SLC44A3: variants seen among roughly 807,000 people sequenced by gnomAD.
SLC44A3 encodes choline transporter-like protein 3.
In SLC44A3, 74 loss-of-function variants were observed where a neutral mutation model predicts 75.4. The observed-to-expected ratio is 0.98, with a 90% CI of 0.81 to 1.19. The LOEUF (loss-of-function observed/expected upper bound fraction) is 1.19. Among genes scored for constraint, SLC44A3 ranks in the 50% most tolerant of loss-of-function variants. The pLI, the probability that SLC44A3 is intolerant of heterozygous loss-of-function variation, is 0.00. For synonymous variants in SLC44A3, 310 were observed against 296.9 expected (o/e 1.04, Z -0.45); for missense variants, 700 against 778.6 (o/e 0.90, Z 1.20).
intron 10 of SLC44A3, 96 bp downstream of exon 10, chr1:94,857,596 G>A: frequency 7.8e-7 from 1 of 1,288,130 alleles, no homozygotes; most frequent in Non-Finnish European, 1.0e-6. Flanking sequence ...TGTTGACCTA[G>A]CCCCTTAAAA....
At chr1:94,840,306 T>TTC (rs1663437941) in intron 7 of SLC44A3, among the ~76,000 whole-genome samples, 1 of 147,694 alleles carries the variant, frequency 6.8e-6, no homozygotes, top group African/African-American at 2.5e-5. Context: ...TTTTTTTTTT[T>TTC]TGAGGCAGGC....
rs1187315468 is a variant in SLC44A3, at chr1:94,894,000, CAGG to C, written c.1858-815_1858-813del. On this transcript the variant is annotated intron_variant, in intron 14 of 14. Transcript: ENST00000271227. ...ATCTCAGCTGCTTAGGAGGCTGAGA[CAGG>C]AGAATCGCTTGAACCCGGGAGGTGG... is the stretch of plus-strand genomic sequence containing the variant. 7.2e-5 allele frequency among the ~76,000 whole-genome samples: 11 copies of C among 152,184 alleles called. No homozygotes were observed. In the Middle Eastern group the frequency reaches 0.014, roughly 188 times the overall value.
chr1:94,888,233 T>C (rs904112862), intron 12 of SLC44A3, among the ~76,000 whole-genome samples: 2 of 152,214 alleles, frequency 1.3e-5, no homozygotes, highest in African/African-American at 4.8e-5. Context: ...TGCTTTTAAA[T>C]AGCAATTTTT....
intron 5 of SLC44A3, among the ~76,000 whole-genome samples, chr1:94,835,680 T>C (rs749389699): frequency 6.6e-6 from 1 of 152,222 alleles, no homozygotes; most frequent in Non-Finnish European, 1.5e-5. Flanking sequence ...TTTTTTGGCA[T>C]GCCCTGAATG....
intron 10 of SLC44A3, among the ~76,000 whole-genome samples, chr1:94,859,970 A>C (rs1419241544): frequency 2.6e-5 from 4 of 152,154 alleles, no homozygotes; most frequent in African/African-American, 4.8e-5. Flanking sequence ...AGTGAAGCTC[A>C]TCAGACAACA....
At chr1:94,859,928 A>T (rs961471128) in intron 10 of SLC44A3, among the ~76,000 whole-genome samples, 1 of 152,206 alleles carries the variant, frequency 6.6e-6, no homozygotes, top group African/African-American at 2.4e-5. Flanking sequence ...GGGGTCCCCC[A>T]ATGAAATGGA....
At chr1:94,825,644 G>A (rs1168482914) in intron 3 of SLC44A3, among the ~76,000 whole-genome samples, 1 of 152,024 alleles carries the variant, frequency 6.6e-6, no homozygotes, top group Non-Finnish European at 1.5e-5. Flanking sequence ...GGATTTTTAG[G>A]ACTCAATAAT....
chr1:94,827,109 C>T (rs540095637), intron 3 of SLC44A3, among the ~76,000 whole-genome samples: 1 of 152,334 alleles, frequency 6.6e-6, no homozygotes, highest in Non-Finnish European at 1.5e-5. Flanking sequence ...TTCAGTTATT[C>T]TCTGAAGCAT....
chr1:94,871,553 T>C (rs992931850), intron 12 of SLC44A3, among the ~76,000 whole-genome samples: 1 of 152,186 alleles, frequency 6.6e-6, no homozygotes, highest in African/African-American at 2.4e-5. Context: ...CAGTTCCTCA[T>C]GGAAATGTCT....
At chr1:94,853,731 G>C (rs1003095043) in intron 9 of SLC44A3, among the ~76,000 whole-genome samples, 2 of 152,168 alleles carry the variant, frequency 1.3e-5, no homozygotes, top group Non-Finnish European at 2.9e-5. Context: ...CTGAGAGTGA[G>C]GATGGGAAGG....
chr1:94,823,003 T>TA (rs2100898511), intron 2 of SLC44A3, among the ~76,000 whole-genome samples: 2 of 152,074 alleles, frequency 1.3e-5, no homozygotes, highest in South Asian at 4.2e-4. Context: ...CTACAAAACA[T>TA]AAAAAATAAT....
intron 3 of SLC44A3, among the ~76,000 whole-genome samples, chr1:94,826,759 C>T (rs1661408512): frequency 6.6e-6 from 1 of 152,134 alleles, no homozygotes; most frequent in South Asian, 2.1e-4. Flanking sequence ...TCTCCTGTTG[C>T]ACCACCTTTC....
intron 8 of SLC44A3, 76 bp downstream of exon 8, chr1:94,842,200 A>G (rs1397925794): frequency 1.3e-6 from 2 of 1,483,496 alleles, no homozygotes; most frequent in Non-Finnish European, 1.8e-6. Flanking sequence ...ATTCTAGCCA[A>G]AAACAACTAT....
rs371962334 is a variant in SLC44A3, at chr1:94,841,808, G to C, written c.761-192G>C. On this transcript the variant is annotated intron_variant, in intron 7 of 14. Coordinates refer to ENST00000271227, the MANE Select transcript of SLC44A3 (RefSeq NM_001114106.3). ...TCCCAGAACTTGTGGGTCCTCTATG[G>C]GTTGCCCTGGCTCTGCCCAGCTTCT... 1.2e-4 allele frequency among the ~76,000 whole-genome samples: 19 copies of C among 152,300 alleles called. No individual in the cohort carries two copies. In the East Asian group the frequency reaches 2.1e-3, roughly 17 times the overall value.
chr1:94,890,114 T>A (rs1670045401), intron 12 of SLC44A3, among the ~76,000 whole-genome samples: 1 of 152,186 alleles, frequency 6.6e-6, no homozygotes, highest in Admixed American at 6.5e-5. Context: ...CCTCCTAAAG[T>A]GTTGGGATTA....
chr1:94,888,750 G>C (rs1669883105), intron 12 of SLC44A3: 11 of 751,626 alleles, frequency 1.5e-5, no homozygotes, highest in Non-Finnish European at 1.7e-5. Flanking sequence ...TTTTTTTTGA[G>C]GCGGAGTCTC....
chr1:94,864,794 C>T lies in SLC44A3; in HGVS notation c.1290C>T (p.Leu430=). ...CCATCCTTTCGTCTCTCTCCATTCT[C>T]TTCTTCTACCATCAAGGAACCGTTG... ...DHPILSSLSI[L]FFYHQGTVVK... is the part of the protein sequence containing the mutation. Residue 430 remains leucine, a synonymous_variant, in exon 11 of 15, where the codon CTC becomes CTT. Transcript: ENST00000271227. 1 of 1,614,050 alleles carries T rather than the reference C, an allele frequency of 6.2e-7. No homozygotes were observed. The highest frequency in any genetic ancestry group is 8.5e-7 in the Non-Finnish European group (1 of 1,179,944).
chr1:94,866,881 A>C (rs1667223494), intron 11 of SLC44A3, among the ~76,000 whole-genome samples: 1 of 152,208 alleles, frequency 6.6e-6, no homozygotes, highest in African/African-American at 2.4e-5. Flanking sequence ...TCCAGAGTTA[A>C]ACTTGATTCT....
chr1:94,881,618 G>A (rs1030562135), intron 12 of SLC44A3, among the ~76,000 whole-genome samples: 1 of 148,714 alleles, frequency 6.7e-6, no homozygotes, highest in Non-Finnish European at 1.5e-5. Flanking sequence ...GCAGGAGAAT[G>A]GCGTGAACCC....
Sources: allele counts gnomAD v4.1 joint callset (sites outside exome capture counted in the v4.1 genomes callset), GRCh38; gene constraint gnomAD v4.1.1; transcripts MANE v1.5; gene names NCBI Gene and HGNC (gene_info 2026-07-23, HGNC 2026-07-21).